TRHDE: variants seen among roughly 807,000 people sequenced by gnomAD.
TRHDE encodes the protein thyrotropin releasing hormone degrading enzyme, also known as thyrotropin-releasing hormone-degrading ectoenzyme.
Under a neutral mutation model 125.7 loss-of-function variants are expected in TRHDE, and 72 were observed. The ratio of observed to expected loss-of-function variants is 0.57; its 90% CI spans 0.47 to 0.70. The LOEUF (loss-of-function observed/expected upper bound fraction) is 0.70, where lower values mean the gene tolerates loss of function less well. Ranked by LOEUF, TRHDE falls within the 30% of genes least tolerant of loss-of-function variation. The pLI is 0.00. For missense variants in TRHDE, 1,110 were observed against 1,327.1 expected (o/e 0.84, Z 2.54); for synonymous variants, 509 against 509.1 (o/e 1.00, Z 0.00).
At chr12:72,535,599 G>A (rs1179070350) in intron 6 of TRHDE, among the ~76,000 whole-genome samples, 1 of 149,108 alleles carries the variant, frequency 6.7e-6, no homozygotes, top group Non-Finnish European at 1.5e-5. Context: ...TTTCTTTTTT[G>A]TAATCAACTT....
intron 15 of TRHDE, among the ~76,000 whole-genome samples, chr12:72,642,963 A>G (rs1193772488): frequency 6.6e-6 from 1 of 152,216 alleles, no homozygotes; most frequent in Non-Finnish European, 1.5e-5. Flanking sequence ...TTATTAGAAC[A>G]TCTTTACAAA....
chr12:72,634,191 C>T (rs1312880863), intron 15 of TRHDE, among the ~76,000 whole-genome samples: 3 of 152,168 alleles, frequency 2.0e-5, no homozygotes, highest in African/African-American at 7.2e-5. Flanking sequence ...CAAAAAGTTG[C>T]CCATTCCTTC....
intron 2 of TRHDE, among the ~76,000 whole-genome samples, chr12:72,200,156 G>C (rs968982818): frequency 1.3e-5 from 2 of 152,076 alleles, no homozygotes; most frequent in Non-Finnish European, 2.9e-5. Flanking sequence ...ATTTCCAATT[G>C]ACTGTGTTCC....
chr12:72,294,927 A>T (rs1364637810), intron 2 of TRHDE, among the ~76,000 whole-genome samples: 1 of 151,976 alleles, frequency 6.6e-6, no homozygotes, highest in African/African-American at 2.4e-5. Flanking sequence ...CTGTGACAGC[A>T]CTGGAGCTTG....
chr12:72,275,677 T>C (rs1879461211), intron 1 of TRHDE, among the ~76,000 whole-genome samples: 1 of 152,228 alleles, frequency 6.6e-6, no homozygotes, highest in East Asian at 1.9e-4. Context: ...AAAATATGTT[T>C]GGCAGAACTG....
At chr12:72,397,193 T>G (rs1872832465) in intron 3 of TRHDE, among the ~76,000 whole-genome samples, 2 of 152,226 alleles carry the variant, frequency 1.3e-5, no homozygotes, top group South Asian at 4.1e-4. Flanking sequence ...CATCCTTGAT[T>G]CATATTTCCT....
intron 2 of TRHDE, among the ~76,000 whole-genome samples, chr12:72,233,875 A>G (rs1878293100): frequency 6.6e-6 from 1 of 152,152 alleles, no homozygotes; most frequent in African/African-American, 2.4e-5. Context: ...AGCCAATGCA[A>G]TACTTGCTTT....
Position 72,224,074 on chromosome 12 carries a change from CTAT to C in TRHDE, n.279+118323_279+118325del, listed in dbSNP as rs1158130871. ...ATGTATATGTGTCCTTCCTATCTAT[CTAT>C]CCATCTATCTATCCATCTATCTATC... On this transcript the variant is annotated intron_variant and non_coding_transcript_variant, in intron 2 of 4. Coordinates refer to the TRHDE transcript ENST00000548156. 2.6e-4 allele frequency among the ~76,000 whole-genome samples: 18 copies of C among 67,986 alleles called. No individual in the cohort carries two copies. The South Asian group carries it at 6.0e-3, about 23-fold the overall frequency. The allele number at this position is 67,986 out of a possible 152,430, so 44.6% of individuals were successfully genotyped here. A position where few individuals can be genotyped will look rare whatever the true frequency, so the allele number is the denominator to read the frequency against.
chr12:72,585,951 A>G (rs1871421026), intron 12 of TRHDE, among the ~76,000 whole-genome samples: 1 of 152,140 alleles, frequency 6.6e-6, no homozygotes, highest in South Asian at 2.1e-4. Flanking sequence ...GTAATTACTT[A>G]TTGCTTTAAG....
intron 2 of TRHDE, among the ~76,000 whole-genome samples, chr12:72,348,364 C>T (rs547497862): frequency 7.2e-5 from 11 of 152,116 alleles, no homozygotes; most frequent in Non-Finnish European, 8.8e-5. Context: ...TCTTCTGCAT[C>T]ACCCTGGACC....
chr12:72,335,983 G>T (rs4553412), intron 2 of TRHDE, among the ~76,000 whole-genome samples: 52,749 of 152,028 alleles, frequency 0.35, 9,873 homozygotes, highest in Non-Finnish European at 0.43. Flanking sequence ...GTAAATTTAA[G>T]ATGATTTTTG....
At chr12:72,384,994 A>C (rs547612067) in intron 3 of TRHDE, among the ~76,000 whole-genome samples, 2 of 152,200 alleles carry the variant, frequency 1.3e-5, no homozygotes, top group South Asian at 4.1e-4. Context: ...ATGTAATACT[A>C]TCTTGATCTT....
chr12:72,602,091 A>G (rs1872232361), intron 12 of TRHDE, among the ~76,000 whole-genome samples: 1 of 152,150 alleles, frequency 6.6e-6, no homozygotes, highest in African/African-American at 2.4e-5. Flanking sequence ...CATCCTTCTG[A>G]AGGACCGTTT....
chr12:72,332,648 C>T (rs1397303187), intron 2 of TRHDE, among the ~76,000 whole-genome samples: 2 of 152,200 alleles, frequency 1.3e-5, no homozygotes, highest in Non-Finnish European at 2.9e-5. Context: ...TCTTCCACAA[C>T]TAATTATTTA....
chr12:72,634,155 C>A (rs1436227851), intron 15 of TRHDE, among the ~76,000 whole-genome samples: 1 of 152,052 alleles, frequency 6.6e-6, no homozygotes, highest in African/African-American at 2.4e-5. Flanking sequence ...CCCCATTTTC[C>A]AGAAGGGGAA....
chr12:72,106,101 C>T (rs1875180776), intron 2 of TRHDE, among the ~76,000 whole-genome samples: 1 of 152,034 alleles, frequency 6.6e-6, no homozygotes. Flanking sequence ...CAGGAGGCTG[C>T]CTGCAACATC....
At chr12:72,597,624 C>T (rs1490195026) in intron 12 of TRHDE, among the ~76,000 whole-genome samples, 4 of 142,828 alleles carry the variant, frequency 2.8e-5, no homozygotes, top group East Asian at 2.1e-4. Context: ...GCCGAGATCA[C>T]GCCACTGCAC....
chr12:72,228,077 T>G lies in TRHDE; in HGVS notation n.279+122325T>G, dbSNP rs183004174. ...TCAGTGGATCTACCATTCTGGTGTC[T>G]GCATGACAGTGTCCCTCTTCTTACA... On this transcript the variant is annotated intron_variant and non_coding_transcript_variant, in intron 2 of 4. Transcript: ENST00000548156. Among the ~76,000 whole-genome samples, 96 of 152,310 alleles carry G rather than the reference T, an allele frequency of 6.3e-4. 1 individual carries two copies. In the East Asian group the frequency reaches 0.017, roughly 27 times the overall value.
At chr12:72,260,827 T>G (rs1374671820) in intron 2 of TRHDE, among the ~76,000 whole-genome samples, 1 of 152,224 alleles carries the variant, frequency 6.6e-6, no homozygotes, top group Admixed American at 6.5e-5. Context: ...CTTTGCTTAC[T>G]CTGTGGATAC....
Sources: allele counts gnomAD v4.1 joint callset (sites outside exome capture counted in the v4.1 genomes callset), GRCh38; gene constraint gnomAD v4.1.1; transcripts MANE v1.5; gene names NCBI Gene and HGNC (gene_info 2026-07-23, HGNC 2026-07-21).